The following CFAP52 variants were observed in gnomAD, a reference collection of about 807,000 sequenced individuals.
CFAP52 encodes cilia- and flagella-associated protein 52.
In CFAP52, 57 loss-of-function variants were observed where a neutral mutation model predicts 70.5. That is an observed-to-expected ratio of 0.81 (90% CI 0.65 to 1.01). The LOEUF (loss-of-function observed/expected upper bound fraction) is 1.01. Ranked by LOEUF, CFAP52 falls within the 50% of genes least tolerant of loss-of-function variation. CFAP52 has a pLI of 0.00. For synonymous variants in CFAP52, 267 were observed against 292.5 expected, an observed-to-expected ratio of 0.91 and a Z score of 0.89; for missense variants, 785 against 788.5, an observed-to-expected ratio of 1.00 and a Z score of 0.05.
chr17:9,590,575 C>G (rs1202476056), intron 3 of CFAP52: 1 of 152,296 alleles, frequency 6.6e-6, no homozygotes, highest in Non-Finnish European at 1.5e-5. Context: ...ACTGATATTA[C>G]CTAGGAAGAT....
At chr17:9,585,616 AG>A (rs1385076119) in intron 1 of CFAP52, among the ~76,000 whole-genome samples, 156 bp from the exon 2 acceptor site, 1 of 78 alleles carries the variant, frequency 0.013, no homozygotes, top group African/African-American at 0.056. Flanking sequence ...GGTTGCAGTG[AG>A]CCCAAGACTG....
chr17:9,611,879 G>A (rs1464086135), intron 7 of CFAP52, among the ~76,000 whole-genome samples: 1 of 152,074 alleles, frequency 6.6e-6, no homozygotes, highest in Non-Finnish European at 1.5e-5. Context: ...TATTTAGGTT[G>A]TTTCCAACCT....
chr17:9,590,101 T>A, intron 3 of CFAP52: 1 of 202,288 alleles, frequency 4.9e-6, no homozygotes, highest in Non-Finnish European at 1.1e-5. Flanking sequence ...TTTGAATACA[T>A]TCCCCTCCAC....
intron 1 of CFAP52, among the ~76,000 whole-genome samples, chr17:9,584,813 G>A (rs547505788): frequency 9.2e-5 from 14 of 152,010 alleles, no homozygotes; most frequent in African/African-American, 2.7e-4. Flanking sequence ...AGTAGAGACC[G>A]GGTTTCACCA....
At chr17:9,632,244 G>A (rs113215689) in intron 9 of CFAP52, among the ~76,000 whole-genome samples, 1,938 of 146,522 alleles carry the variant, frequency 0.013, 50 homozygotes, top group African/African-American at 0.047. Flanking sequence ...TGCGAGGCAA[G>A]TTTTTTTTTG....
intron 1 of CFAP52, among the ~76,000 whole-genome samples, chr17:9,585,422 A>G (rs1289721545): frequency 2.6e-5 from 4 of 152,152 alleles, no homozygotes; most frequent in Admixed American, 2.6e-4. Flanking sequence ...TAATCCCAGC[A>G]CTTTGGGAGG....
intron 4 of CFAP52, among the ~76,000 whole-genome samples, chr17:9,598,032 C>T (rs1909096150): frequency 6.6e-6 from 1 of 152,036 alleles, no homozygotes; most frequent in Non-Finnish European, 1.5e-5. Context: ...TCAAGCTCCG[C>T]ACTTTCTAAT....
chr17:9,604,131 T>G (rs73253874), intron 6 of CFAP52, among the ~76,000 whole-genome samples: 2,446 of 152,254 alleles, frequency 0.016, 48 homozygotes, highest in African/African-American at 0.046. Flanking sequence ...ACACAGACCT[T>G]ATACCTTTCA....
intron 8 of CFAP52, among the ~76,000 whole-genome samples, chr17:9,613,846 C>A (rs1893306177): frequency 6.6e-6 from 1 of 152,038 alleles, no homozygotes; most frequent in Non-Finnish European, 1.5e-5. Flanking sequence ...AGATCTTGAG[C>A]TGTAGTTTCC....
At chr17:9,635,613 CA>C in intron 11 of CFAP52, 57 bp downstream of exon 11, 1 of 1,605,534 alleles carries the variant, frequency 6.2e-7, no homozygotes, top group Non-Finnish European at 8.5e-7. Flanking sequence ...ATCATGCCAA[CA>C]GTTTATTGAA....
intron 13 of CFAP52, among the ~76,000 whole-genome samples, chr17:9,642,304 A>G (rs1472783336): frequency 6.6e-6 from 1 of 152,210 alleles, no homozygotes; most frequent in Non-Finnish European, 1.5e-5. Flanking sequence ...ATTTCCTGCC[A>G]AGCTCTTTGA....
In CFAP52 at chr17:9,585,944, C is replaced by T; in HGVS notation, c.242C>T (p.Ser81Phe). The change falls in exon 2 of 14, where the codon TCC becomes TTC. Residue 81 changes from serine to phenylalanine, a missense_variant. By Grantham distance (155) the Ser-to-Phe change is radical. Transcript: ENST00000352665. ...AISRSGEYIA[S>F]GQVTFMGFKA... ...TCCAGGTCTGGAGAGTACATCGCCT[C>T]CGGACAAGTCACATTCATGGGGTTC... 6.2e-7 allele frequency: 1 copy of T among 1,613,688 alleles called. No individual in the cohort carries two copies. The highest frequency in any genetic ancestry group is 1.3e-5 in the African/African-American group (1 of 74,918).
At chr17:9,603,328 T>C (rs9889814) in intron 6 of CFAP52, among the ~76,000 whole-genome samples, 108,748 of 152,048 alleles carry the variant, frequency 0.72, 39,552 homozygotes, top group Admixed American at 0.78. Context: ...CCTGACTCAG[T>C]CTCCAGAGTA....
chr17:9,604,837 GA>G (rs1909420360), intron 6 of CFAP52, among the ~76,000 whole-genome samples: 1 of 151,702 alleles, frequency 6.6e-6, no homozygotes, highest in Non-Finnish European at 1.5e-5. Context: ...TAAGCATATG[GA>G]AAGATACTCT....
intron 9 of CFAP52, 34 bp downstream of exon 9, chr17:9,628,854 T>C: frequency 1.2e-6 from 2 of 1,612,706 alleles, no homozygotes; most frequent in Non-Finnish European, 1.7e-6. Context: ...GGCTTGGGGC[T>C]CTAGCTGCGG....
At chr17:9,615,765 T>C (rs111264100) in intron 8 of CFAP52, among the ~76,000 whole-genome samples, 63 of 149,410 alleles carry the variant, frequency 4.2e-4, no homozygotes, top group East Asian at 2.0e-4. Context: ...TGTACCACCA[T>C]GCCCAGCTAA....
At chr17:9,598,978 T>G (rs951321731) in intron 5 of CFAP52, among the ~76,000 whole-genome samples, 4 of 152,170 alleles carry the variant, frequency 2.6e-5, no homozygotes, top group African/African-American at 9.6e-5. Context: ...TTTCTGCCAC[T>G]GAAAATAAAG....
At position 9,585,968 on chromosome 17, in the gene CFAP52, T is replaced by C. The variant is rs1172172292; in HGVS notation, c.266T>C (p.Phe89Ser). 2 of 1,613,400 alleles carry C rather than the reference T, an allele frequency of 1.2e-6. No individual in the cohort carries two copies. The highest frequency in any genetic ancestry group is 3.3e-5 in the Admixed American group (2 of 59,962). ...IASGQVTFMG[F>S]KADIILWDYK... is the part of the protein sequence containing the mutation. ...TCCGGACAAGTCACATTCATGGGGT[T>C]CAAGGTGAATACAGTGAAAACGACT... The change falls in exon 2 of 14, where the codon TTC (phenylalanine) becomes TCC (serine). Residue 89 changes from phenylalanine to serine, a missense_variant. Coordinates refer to ENST00000352665, the MANE Select transcript of CFAP52 (RefSeq NM_145054.5).
At chr17:9,592,558 G>A (rs907037245) in intron 3 of CFAP52, among the ~76,000 whole-genome samples, 4 of 152,106 alleles carry the variant, frequency 2.6e-5, no homozygotes, top group South Asian at 2.1e-4. Flanking sequence ...ACCACTAATC[G>A]ACCATCTGTC....
Sources: allele counts gnomAD v4.1 joint callset (sites outside exome capture counted in the v4.1 genomes callset), GRCh38; gene constraint gnomAD v4.1.1; transcripts MANE v1.5; gene names NCBI Gene and HGNC (gene_info 2026-07-23, HGNC 2026-07-21).